STK36: variants seen among roughly 807,000 people sequenced by gnomAD.
STK36 encodes serine/threonine kinase 36, also known as serine/threonine-protein kinase 36.
In STK36, 116 loss-of-function variants were observed where a neutral mutation model predicts 142.2. That is an observed-to-expected ratio of 0.82 (90% CI 0.70 to 0.95). STK36 has a LOEUF of 0.95. STK36 is among the 40% of genes least tolerant of loss of function. The probability of loss-of-function intolerance (pLI) is 0.00; values close to 1 mark genes in which losing one functional copy is unlikely to be tolerated. For synonymous variants in STK36, 619 were observed against 641.7 expected (o/e 0.96, Z 0.53); for missense variants, 1,422 against 1,617.2 (o/e 0.88, Z 2.07).
At chr2:218,689,708 C>A (rs1298909401) in intron 12 of STK36, 151 bp from the exon 13 acceptor site, 2 of 641,466 alleles carry the variant, frequency 3.1e-6, no homozygotes, top group Non-Finnish European at 5.3e-6. Context: ...TCTCTGTTAC[C>A]CCTAGAACTC....
chr2:218,696,965 G>T, intron 22 of STK36, 74 bp from the exon 23 acceptor site: 1 of 1,585,134 alleles, frequency 6.3e-7, no homozygotes, highest in East Asian at 2.2e-5. Flanking sequence ...GTAAGTCAGG[G>T]ACAGGAATGA....
intron 4 of STK36, among the ~76,000 whole-genome samples, chr2:218,674,438 G>A (rs959774338): frequency 2.6e-5 from 4 of 152,334 alleles, no homozygotes; most frequent in Admixed American, 2.6e-4. Context: ...GTGGTTAGCA[G>A]TGGGATTTTG....
chr2:218,691,276 G>T (rs1940987027), intron 14 of STK36, among the ~76,000 whole-genome samples: 1 of 152,124 alleles, frequency 6.6e-6, no homozygotes, highest in Non-Finnish European at 1.5e-5. Flanking sequence ...TGTTAAAACT[G>T]GTAATTGGGA....
intron 4 of STK36, 91 bp downstream of exon 4, chr2:218,674,047 A>G: frequency 8.0e-7 from 1 of 1,250,678 alleles, no homozygotes; most frequent in African/African-American, 1.5e-5. Context: ...GAGAGTCTCC[A>G]TTTCAAAGAC....
chr2:218,684,172 C>G (rs1405642124), intron 10 of STK36, among the ~76,000 whole-genome samples: 1 of 140,314 alleles, frequency 7.1e-6, no homozygotes, highest in African/African-American at 2.7e-5. Context: ...AGTGCAATGG[C>G]ACGATCTCAG....
intron 26 of STK36, 34 bp downstream of exon 26, chr2:218,699,382 C>A: frequency 6.3e-7 from 1 of 1,595,076 alleles, no homozygotes; most frequent in South Asian, 1.1e-5. Flanking sequence ...CCATGATGAT[C>A]AGGGCCCCTA....
intron 6 of STK36, among the ~76,000 whole-genome samples, chr2:218,678,801 G>A (rs1018237647): frequency 6.6e-6 from 1 of 152,216 alleles, no homozygotes; most frequent in Admixed American, 6.5e-5. Context: ...GGAGGGCAGC[G>A]TGAATAGTTT....
In STK36 at chr2:218,673,879, G is replaced by C. The variant is rs767458122; in HGVS notation, c.226G>C (p.Val76Leu). The part of the protein sequence containing the change: ...MLDSFETDKE[V>L]VVVTDYAEGE... Reference sequence around the variant, plus strand: ...CAGTGCCACTGCCTTCTCTCTGTAGGTGGTGGTGGTGACAGACTATGCTGA... The same window carrying C: ...CAGTGCCACTGCCTTCTCTCTGTAGCTGGTGGTGGTGACAGACTATGCTGA... Residue 76 changes from valine (V) to leucine (L), a missense_variant and splice_region_variant, in exon 4 of 27, where the codon GTG (valine) becomes CTG (leucine). Coordinates refer to ENST00000295709, the MANE Select transcript of STK36 (RefSeq NM_015690.5). 7.4e-6 allele frequency: 12 copies of C among 1,613,962 alleles called. No individual in the cohort carries two copies. In the Admixed American group the frequency reaches 2.0e-4, roughly 27 times the overall value.
Position 218,696,523 on chromosome 2 carries a change from A to T in STK36, c.2512-4A>T. On this transcript the variant is annotated splice_polypyrimidine_tract_variant and splice_region_variant and intron_variant, in intron 21 of 26. Coordinates refer to ENST00000295709, the MANE Select transcript of STK36 (RefSeq NM_015690.5). ...CCTGCATTCTTCATGTTTCTCTCTG[A>T]CAGGTTCGGTTGACTCCACCAGGTA... 1 of 1,613,954 alleles carries T rather than the reference A, an allele frequency of 6.2e-7. No homozygotes were observed. The highest frequency in any genetic ancestry group is 8.5e-7 in the Non-Finnish European group (1 of 1,179,876).
intron 10 of STK36, among the ~76,000 whole-genome samples, chr2:218,682,853 A>G (rs918843650): frequency 2.0e-4 from 31 of 152,150 alleles, no homozygotes; most frequent in African/African-American, 7.0e-4. Flanking sequence ...TCAGCCTCAC[A>G]AAGTGCTGGG....
In STK36 at chr2:218,697,886, T is replaced by C; in HGVS notation, c.2942T>C (p.Val981Ala). Residue 981 changes from valine to alanine, a missense_variant, in exon 25 of 27, where the codon GTG becomes GCG. Transcript: ENST00000295709. ...GGGTCTGAGTTTCTCCCTGTCGTGGTGCTCTCTGTCTGCCAGCTCCTTTGC... is the reference window on the plus strand; with the variant it reads ...GGGTCTGAGTTTCTCCCTGTCGTGGCGCTCTCTGTCTGCCAGCTCCTTTGC... ...PHGSEFLPVV[V>A]LSVCQLLCFP... The C allele has an allele frequency of 3.1e-6, 5 of 1,614,190 alleles. No homozygotes were observed. The highest frequency in any genetic ancestry group is 4.2e-6 in the Non-Finnish European group (5 of 1,180,028).
chr2:218,696,397 C>T, intron 21 of STK36, 130 bp from the exon 22 acceptor site: 1 of 746,162 alleles, frequency 1.3e-6, no homozygotes, highest in Non-Finnish European at 2.4e-6. Flanking sequence ...TTCCCCCAGG[C>T]CCCATATATT....
In STK36 at chr2:218,675,361, C is replaced by T. The variant is rs1323353823; in HGVS notation, c.322C>T (p.Gln108Ter). The T allele has an allele frequency of 1.2e-6, 2 of 1,613,020 alleles. No homozygotes were observed. The highest frequency in any genetic ancestry group is 1.7e-6 in the Non-Finnish European group (2 of 1,179,696). Residue 108 changes from glutamine (Q) to a stop codon, truncating the protein, a stop_gained, in exon 5 of 27, where the codon CAG becomes TAG. Transcript: ENST00000295709. LOFTEE classifies it high-confidence loss of function. ...TTTCTAGGTTCAGGCCATTGCTGCC[C>T]AGTTGGTGTCAGCCCTGTACTATCT... ...PEDQVQAIAA[Q>*]LVSALYYLHS... is the part of the protein sequence containing the mutation.
At chr2:218,685,478 A>G (rs1940735765) in intron 11 of STK36, among the ~76,000 whole-genome samples, 1 of 152,220 alleles carries the variant, frequency 6.6e-6, no homozygotes, top group South Asian at 2.1e-4. Flanking sequence ...TATTTTAGGC[A>G]TTGTGAGCCA....
intron 21 of STK36, among the ~76,000 whole-genome samples, chr2:218,695,530 T>TA: frequency 7.4e-6 from 1 of 135,082 alleles, no homozygotes; most frequent in Non-Finnish European, 1.6e-5. Flanking sequence ...GTCCAGTCTT[T>TA]TTTTTTTTTT....
rs750248775 is a variant in STK36 at position 218,694,340 on chromosome 2, C to T, written c.2400+13C>T. ...CGTCTCTCTTGTGGTAAGTTTTTAACCTTCACCCTCCTCCCCTTTTCACCC... is the reference window on the plus strand; with the variant it reads ...CGTCTCTCTTGTGGTAAGTTTTTAATCTTCACCCTCCTCCCCTTTTCACCC... On this transcript the variant is annotated intron_variant, in intron 20 of 26. Transcript: ENST00000295709. This position sits in a 1 kb window ranked among gnomAD's most constrained non-coding sequence, Gnocchi z 4.4. 8 of 1,611,088 alleles carry T rather than the reference C, an allele frequency of 5.0e-6. No individual in the cohort carries two copies. The highest frequency in any genetic ancestry group is 6.8e-6 in the Non-Finnish European group (8 of 1,177,394).
intron 26 of STK36, among the ~76,000 whole-genome samples, chr2:218,701,136 CTTT>C (rs35602378): frequency 7.0e-6 from 1 of 142,778 alleles, no homozygotes. Context: ...TGGTGAAGAT[CTTT>C]TTTTTTTTTT....
chr2:218,675,714 G>A (rs950443192), intron 5 of STK36, among the ~76,000 whole-genome samples: 1 of 151,744 alleles, frequency 6.6e-6, no homozygotes, highest in Non-Finnish European at 1.5e-5. Context: ...AGTAGAGATG[G>A]GGTTTCTCCA....
At chr2:218,681,128 C>T (rs892329954) in intron 10 of STK36, among the ~76,000 whole-genome samples, 6 of 147,942 alleles carry the variant, frequency 4.1e-5, no homozygotes, top group East Asian at 3.9e-4. Flanking sequence ...TTACCACAAT[C>T]GTTTTTTTTT....
Sources: allele counts gnomAD v4.1 joint callset (sites outside exome capture counted in the v4.1 genomes callset), GRCh38; gene constraint gnomAD v4.1.1; non-coding constraint Gnocchi (gnomAD v3.1); transcripts MANE v1.5; gene names NCBI Gene and HGNC (gene_info 2026-07-23, HGNC 2026-07-21).